The following RRAS variants were observed in gnomAD, a reference collection of about 807,000 sequenced individuals.
The protein encoded by RRAS is RAS related.
In RRAS, 18 loss-of-function variants were observed where a neutral mutation model predicts 23.3. The ratio of observed to expected loss-of-function variants is 0.77; its 90% confidence interval spans 0.53 to 1.15. The LOEUF (loss-of-function observed/expected upper bound fraction) is 1.15. RRAS is among the 50% of genes most tolerant of loss of function. RRAS has a pLI of 0.00. For missense variants in RRAS, 291 were observed against 317.1 expected (o/e 0.92, Z 0.62); for synonymous variants, 133 against 138.3 (o/e 0.96, Z 0.27).
In RRAS at chr19:49,636,372, G is replaced by A. The variant is rs2080996144; in HGVS notation, c.453+247C>T. 6.6e-6 allele frequency among the ~76,000 whole-genome samples: 1 copy of A among 152,100 alleles called. No individual in the cohort carries two copies. Among genetic ancestry groups the A allele is most frequent in the Non-Finnish European group, 1.5e-5 (1 of 68,004 alleles). On this transcript the variant is annotated intron_variant, in intron 4 of 5. Transcript: ENST00000246792. This position sits in a 1 kb window ranked among gnomAD's most constrained non-coding sequence, Gnocchi z 4.5. ...GAGGAAGGGGCAAAGAGAGCTGGCG[G>A]ACGGGGGGTGAATGTCCTTTGTTCC... is the stretch of plus-strand genomic sequence containing the variant.
At position 49,640,089 on chromosome 19, in the gene RRAS, C is replaced by A. The variant is rs2081015843; in HGVS notation, c.10G>T (p.Gly4Trp). The A allele has an allele frequency of 2.9e-6, 4 of 1,396,236 alleles. No homozygotes were observed. In the African/African-American group the frequency reaches 6.1e-5, roughly 21 times the overall value. 86.5% of individuals were successfully genotyped at this position (1,396,236 alleles called of 1,614,324 possible). A position where few individuals can be genotyped will look rare whatever the true frequency, so the allele number is the denominator to read the frequency against. ...CCCCGCCCTGTCCCGGACGCCGCCC[C>A]GCTGCTCATGTCGCCACCGCTGCTG... The part of the protein sequence containing the change: MSS[G>W]AASGTGRGRP... The change falls in exon 1 of 6, where the codon GGG becomes TGG. Residue 4 changes from glycine (G) to tryptophan (W), a missense_variant. Physicochemically the swap from Gly to Trp is radical, Grantham distance 184 (BLOSUM62 -2). Transcript: ENST00000246792.
intron 1 of RRAS, among the ~76,000 whole-genome samples, chr19:49,637,800 C>T (rs1032494078): frequency 7.8e-6 from 1 of 127,442 alleles, no homozygotes; most frequent in Non-Finnish European, 1.6e-5. Flanking sequence ...CAGTCTTCTT[C>T]TCTCTGAGTC....
At position 49,637,301 on chromosome 19, in the gene RRAS, C is replaced by CTTTTTTTTTTTTTTTTTTTTTT. The variant is rs11400258; in HGVS notation, c.154-193_154-172dup. ...CTCTGTCCCGTCTGTCTCTCTGAGT[C>CTTTTTTTTTTTTTTTTTTTTTT]TTTTTTTTTTTTTTTTTTTTTTGAG... On this transcript the variant is annotated intron_variant, in intron 1 of 5. Transcript: ENST00000246792. 3.8e-5 allele frequency among the ~76,000 whole-genome samples: 4 copies of CTTTTTTTTTTTTTTTTTTTTTT among 104,114 alleles called. 2 individuals are homozygous for CTTTTTTTTTTTTTTTTTTTTTT. 68.3% of individuals were successfully genotyped at this position (104,114 alleles called of 152,430 possible).
Position 49,637,036 on chromosome 19 carries a change from C to T in RRAS, c.241+7G>A, listed in dbSNP as rs2081000102. ...CCCCATCCATCATCCATCCTTGCCGCCCTCACTGTCCAGCCGGGCTGGGAT... is the reference window on the plus strand; with the variant it reads ...CCCCATCCATCATCCATCCTTGCCGTCCTCACTGTCCAGCCGGGCTGGGAT... On this transcript the variant is annotated splice_region_variant and intron_variant, in intron 2 of 5. Transcript: ENST00000246792. 1.2e-6 allele frequency: 2 copies of T among 1,613,340 alleles called. No homozygotes were observed. Among genetic ancestry groups the T allele is most frequent in the Non-Finnish European group, 1.7e-6 (2 of 1,179,768 alleles).
rs2080996930 is a variant in RRAS at position 49,636,565 on chromosome 19, G to A, written c.453+54C>T. ...GATGCTGATGGGGGACAGGTGTGCT[G>A]GAAGGAGCCTCCCAGACTGAGATGG... On this transcript the variant is annotated intron_variant, in intron 4 of 5. Coordinates refer to ENST00000246792, the MANE Select transcript of RRAS (RefSeq NM_006270.5). The surrounding 1 kb of genome is among the most constrained non-coding windows in gnomAD (Gnocchi z 4.5). The A allele has an allele frequency of 6.2e-6, 8 of 1,280,972 alleles. No homozygotes were observed. The South Asian group carries it at 9.5e-5, about 15-fold the overall frequency. The allele number at this position is 1,280,972 out of a possible 1,614,324, so 79.4% of individuals were successfully genotyped here.
Position 49,635,747 on chromosome 19 carries a change from C to G in RRAS, c.559G>C (p.Val187Leu), listed in dbSNP as rs1281176644. The G allele has an allele frequency of 6.3e-7, 1 of 1,587,424 alleles. No homozygotes were observed. Reference sequence around the variant, plus strand: ...GACTTGGCTCACCGGACAGCCCGCACCAGCTGCTCAAAAGCCTCGTCCACG... The same window carrying G: ...GACTTGGCTCACCGGACAGCCCGCAGCAGCTGCTCAAAAGCCTCGTCCACG... ...LNVDEAFEQL[V>L]RAVRKYQEQE... The change falls in exon 5 of 6, where the codon GTG (valine) becomes CTG (leucine). Residue 187 changes from valine (V) to leucine (L), a missense_variant. Transcript: ENST00000246792.
chr19:49,637,873 T>C (rs567736208), intron 1 of RRAS, among the ~76,000 whole-genome samples: 11 of 151,644 alleles, frequency 7.3e-5, no homozygotes, highest in Non-Finnish European at 1.6e-4. Flanking sequence ...ATCCTAGCTG[T>C]GTGACACTGA....
rs915285602 is a variant in RRAS, at chr19:49,639,281, C to T, written c.153+665G>A. On this transcript the variant is annotated intron_variant, in intron 1 of 5. Transcript: ENST00000246792. ...TCTACTAAAAAATACAAAAATTAGC[C>T]AGGCATGGTGGCACTCGCCTGTAGT... Among the ~76,000 whole-genome samples, 5 of 151,948 alleles carry T rather than the reference C, an allele frequency of 3.3e-5. No individual in the cohort carries two copies. The East Asian group carries it at 9.7e-4, about 29-fold the overall frequency.
intron 1 of RRAS, among the ~76,000 whole-genome samples, chr19:49,639,632 G>A (rs1400447611): frequency 6.6e-6 from 1 of 151,708 alleles, no homozygotes; most frequent in Non-Finnish European, 1.5e-5. Context: ...CTTAGGGTCC[G>A]AATGGGGTGA....
In RRAS at chr19:49,635,859, GTA is replaced by G; in HGVS notation, c.454-9_454-8del. ...AGGCTTCTGATCGGGGGACCTGGGG[GTA>G]GGGGGGACACGGGGGAGTCAGGTCC... is the stretch of plus-strand genomic sequence containing the variant. On this transcript the variant is annotated splice_polypyrimidine_tract_variant and splice_region_variant and intron_variant, in intron 4 of 5. Coordinates refer to ENST00000246792, the MANE Select transcript of RRAS (RefSeq NM_006270.5). 4 of 1,066,384 alleles carry G rather than the reference GTA, an allele frequency of 3.8e-6. No homozygotes were observed. Among genetic ancestry groups the G allele is most frequent in the East Asian group, 2.8e-5 (1 of 35,372 alleles). The allele number at this position is 1,066,384 out of a possible 1,614,324, so 66.1% of individuals were successfully genotyped here. A position where few individuals can be genotyped will look rare whatever the true frequency, so the allele number is the denominator to read the frequency against.
chr19:49,637,168 C>A, intron 1 of RRAS, 38 bp from the exon 2 acceptor site: 3 of 1,512,446 alleles, frequency 2.0e-6, no homozygotes, highest in Middle Eastern at 1.7e-4. Flanking sequence ...TGCAGTGCCC[C>A]GGCAGACAGG....
At position 49,635,673 on chromosome 19, in the gene RRAS, G is replaced by T. The variant is rs372538436; in HGVS notation, c.573-13C>A. 1 of 1,476,568 alleles carries T rather than the reference G, an allele frequency of 6.8e-7. No individual in the cohort carries two copies. The highest frequency in any genetic ancestry group is 9.1e-7 in the Non-Finnish European group (1 of 1,098,970). 91.5% of individuals were successfully genotyped at this position (1,476,568 alleles called of 1,614,324 possible). The stretch of plus-strand genomic sequence containing the variant: ...TTCCTGGTATTTCCTGTGGGAAAAC[G>T]CCAGTGAGTTTGGAGTGGAAGGGCT... On this transcript the variant is annotated splice_polypyrimidine_tract_variant and intron_variant, in intron 5 of 5. Coordinates refer to ENST00000246792, the MANE Select transcript of RRAS (RefSeq NM_006270.5).
intron 1 of RRAS, among the ~76,000 whole-genome samples, chr19:49,638,240 A>T (rs1280885971): frequency 6.6e-6 from 1 of 152,000 alleles, no homozygotes; most frequent in Non-Finnish European, 1.5e-5. Flanking sequence ...GCCCGCTGCC[A>T]GCCAAGCCTT....
At position 49,636,732 on chromosome 19, in the gene RRAS, G is replaced by A. The variant is rs369157989; in HGVS notation, c.345-5C>T. 1.4e-5 allele frequency: 22 copies of A among 1,613,346 alleles called. No homozygotes were observed. Among genetic ancestry groups the A allele is most frequent in the African/African-American group, 1.2e-4 (9 of 74,898 alleles). The stretch of plus-strand genomic sequence containing the variant: ...AGCTTGCCCACCTCGTTGAAACTGC[G>A]AGTGAAGCCGGAGGCATGAGGTCCA... On this transcript the variant is annotated splice_region_variant and splice_polypyrimidine_tract_variant and intron_variant, in intron 3 of 5. Transcript: ENST00000246792. This position sits in a 1 kb window ranked among gnomAD's most constrained non-coding sequence, Gnocchi z 4.5.
chr19:49,637,478 G>A (rs547015092), intron 1 of RRAS, among the ~76,000 whole-genome samples: 1 of 151,946 alleles, frequency 6.6e-6, no homozygotes, highest in African/African-American at 2.4e-5. Context: ...GGCTAATTTT[G>A]TATTTTTAGT....
rs11400258 is a variant in RRAS, at chr19:49,637,301, C to CTTTTTTTTTTTTTTTTTTTTTTTTTTT, written c.154-172_154-171insAAAAAAAAAAAAAAAAAAAAAAAAAAA. Among the ~76,000 whole-genome samples, 2 of 104,114 alleles carry CTTTTTTTTTTTTTTTTTTTTTTTTTTT rather than the reference C, an allele frequency of 1.9e-5. 1 individual carries two copies. Among genetic ancestry groups the CTTTTTTTTTTTTTTTTTTTTTTTTTTT allele is most frequent in the African/African-American group, 7.4e-5 (2 of 27,008 alleles). The allele number at this position is 104,114 out of a possible 152,430, so 68.3% of individuals were successfully genotyped here. A position where few individuals can be genotyped will look rare whatever the true frequency, so the allele number is the denominator to read the frequency against. ...CTCTGTCCCGTCTGTCTCTCTGAGT[C>CTTTTTTTTTTTTTTTTTTTTTTTTTTT]TTTTTTTTTTTTTTTTTTTTTTGAG... On this transcript the variant is annotated intron_variant, in intron 1 of 5. Transcript: ENST00000246792.
chr19:49,637,778 C>G (rs796187841), intron 1 of RRAS, among the ~76,000 whole-genome samples: 3 of 147,804 alleles, frequency 2.0e-5, no homozygotes, highest in South Asian at 2.2e-4. Flanking sequence ...CCCTGCCCCC[C>G]ACCCCTCCTA....
Position 49,635,753 on chromosome 19 carries a change from G to T in RRAS, c.553C>A (p.Gln185Lys), listed in dbSNP as rs2122416729. The part of the protein sequence containing the change: ...LRLNVDEAFE[Q>K]LVRAVRKYQE... ...GCTCACCGGACAGCCCGCACCAGCT[G>T]CTCAAAAGCCTCGTCCACGTTGAGA... Residue 185 changes from glutamine to lysine, a missense_variant, in exon 5 of 6, where the codon CAG becomes AAG. Coordinates refer to ENST00000246792, the MANE Select transcript of RRAS (RefSeq NM_006270.5). 6.3e-7 allele frequency: 1 copy of T among 1,590,230 alleles called. No individual in the cohort carries two copies. Among genetic ancestry groups the T allele is most frequent in the Non-Finnish European group, 8.6e-7 (1 of 1,161,810 alleles).
In RRAS at chr19:49,635,849, G is replaced by T. The variant is rs1423079476; in HGVS notation, c.457C>A (p.Pro153Thr). 1.1e-5 allele frequency: 17 copies of T among 1,557,340 alleles called. No homozygotes were observed. Among genetic ancestry groups the T allele is most frequent in the Non-Finnish European group, 4.4e-6 (5 of 1,136,404 alleles). Residue 153 changes from proline to threonine, a missense_variant, in exon 5 of 6, where the codon CCC becomes ACC. Physicochemically the swap from Pro to Thr is conservative, Grantham distance 38. Transcript: ENST00000246792. Reference protein sequence around the residue: ...KADLESQRQVPRSEASAFGAS... With the variant: ...KADLESQRQVTRSEASAFGAS... Reference sequence around the variant, plus strand: ...CCGAAGGCAGAGGCTTCTGATCGGGGGACCTGGGGGTAGGGGGGACACGGG... The same window carrying T: ...CCGAAGGCAGAGGCTTCTGATCGGGTGACCTGGGGGTAGGGGGGACACGGG...
Sources: gnomAD v4.1 joint callset for allele counts (sites outside exome capture counted in the v4.1 genomes callset) on GRCh38, gnomAD v4.1.1 for gene constraint, Gnocchi (gnomAD v3.1) non-coding constraint, MANE v1.5 for transcripts, NCBI Gene and HGNC (gene_info 2026-07-23, HGNC 2026-07-21) for gene names.